The following SRPK2 variants were observed in gnomAD, a reference collection of about 807,000 sequenced individuals.
SRPK2 encodes the protein SRSF protein kinase 2.
Under a neutral mutation model 90.8 loss-of-function variants are expected in SRPK2, and 21 were observed. That is an observed-to-expected ratio of 0.23 (90% CI 0.16 to 0.33). The LOEUF (loss-of-function observed/expected upper bound fraction) is 0.33, where lower values mean the gene tolerates loss of function less well. SRPK2 is among the 10% of genes least tolerant of loss of function. The pLI is 1.00. For missense variants in SRPK2, 620 were observed against 869.0 expected (o/e 0.71, Z 3.60); for synonymous variants, 288 against 311.1 (o/e 0.93, Z 0.78).
chr7:105,232,949 G>A (rs1288885925), intron 2 of SRPK2, among the ~76,000 whole-genome samples: 1 of 151,978 alleles, frequency 6.6e-6, no homozygotes, highest in Non-Finnish European at 1.5e-5. Context: ...GAACTTGGGA[G>A]GCGGAGGTTG....
intron 2 of SRPK2, among the ~76,000 whole-genome samples, chr7:105,300,581 T>G (rs1020496953): frequency 6.6e-6 from 1 of 152,138 alleles, no homozygotes; most frequent in Admixed American, 6.5e-5. Context: ...GAGTACAACC[T>G]ACAGAATGGG....
At chr7:105,334,625 G>A (rs1357471318) in intron 2 of SRPK2, among the ~76,000 whole-genome samples, 1 of 151,970 alleles carries the variant, frequency 6.6e-6, no homozygotes, top group Non-Finnish European at 1.5e-5. Context: ...ATCACTTGAG[G>A]TCAGGAGTCC....
At chr7:105,250,934 G>A (rs1350858197) in intron 2 of SRPK2, among the ~76,000 whole-genome samples, 2 of 152,158 alleles carry the variant, frequency 1.3e-5, no homozygotes, top group Non-Finnish European at 2.9e-5. Flanking sequence ...GGAGCTAGAG[G>A]TACTGCCAAG....
At chr7:105,172,941 G>C (rs567090922) in intron 3 of SRPK2, among the ~76,000 whole-genome samples, 1 of 152,180 alleles carries the variant, frequency 6.6e-6, no homozygotes, top group African/African-American at 2.4e-5. Context: ...ATACATGTGA[G>C]CAAAAACAGA....
At chr7:105,318,815 T>C (rs1812590593) in intron 2 of SRPK2, among the ~76,000 whole-genome samples, 1 of 152,246 alleles carries the variant, frequency 6.6e-6, no homozygotes, top group Non-Finnish European at 1.5e-5. Context: ...CTCTGTCCTT[T>C]GGTCTATTCC....
At chr7:105,356,993 C>A (rs986978550) in intron 2 of SRPK2, among the ~76,000 whole-genome samples, 2 of 152,108 alleles carry the variant, frequency 1.3e-5, no homozygotes, top group Non-Finnish European at 2.9e-5. Flanking sequence ...ACTATTAAAT[C>A]TTTTCATAGT....
At chr7:105,361,067 T>C (rs1445784389) in intron 2 of SRPK2, among the ~76,000 whole-genome samples, 1 of 152,234 alleles carries the variant, frequency 6.6e-6, no homozygotes, top group Non-Finnish European at 1.5e-5. Context: ...CATGATTGTC[T>C]ATTTAGAAAA....
At chr7:105,324,754 G>A (rs773894571) in intron 2 of SRPK2, among the ~76,000 whole-genome samples, 7 of 152,270 alleles carry the variant, frequency 4.6e-5, no homozygotes, top group African/African-American at 9.6e-5. Context: ...GAATGTGGTG[G>A]TGCACGCCTG....
chr7:105,330,375 A>G (rs1814166763), intron 2 of SRPK2, among the ~76,000 whole-genome samples: 1 of 151,454 alleles, frequency 6.6e-6, no homozygotes, highest in Non-Finnish European at 1.5e-5. Flanking sequence ...TAAAATATAA[A>G]AAATAAAAAT....
At chr7:105,217,427 T>G (rs954324135) in intron 2 of SRPK2, among the ~76,000 whole-genome samples, 6 of 152,290 alleles carry the variant, frequency 3.9e-5, no homozygotes, top group African/African-American at 1.4e-4. Context: ...TATAAATTAT[T>G]CTCTCTTGCA....
At chr7:105,306,105 A>C (rs1475523653) in intron 2 of SRPK2, 2 of 165,350 alleles carry the variant, frequency 1.2e-5, no homozygotes, top group African/African-American at 4.8e-5. Context: ...ATGCTTAGAA[A>C]ACCAACAAAA....
chr7:105,301,670 G>A, intron 2 of SRPK2: 1 of 1,611,446 alleles, frequency 6.2e-7, no homozygotes. Flanking sequence ...GAGATTTCCT[G>A]GACAGAAACA....
At chr7:105,185,314 T>A (rs1006908826) in intron 3 of SRPK2, among the ~76,000 whole-genome samples, 4 of 151,746 alleles carry the variant, frequency 2.6e-5, no homozygotes, top group African/African-American at 4.8e-5. Flanking sequence ...ACTAAAAAAA[T>A]TTAACAATTA....
intron 2 of SRPK2, among the ~76,000 whole-genome samples, chr7:105,273,212 C>T (rs1392040755): frequency 6.7e-6 from 1 of 149,600 alleles, no homozygotes; most frequent in East Asian, 2.0e-4. Context: ...GAGACTCCGT[C>T]TCAAAAAAAA....
At chr7:105,249,424 G>C (rs1802182271) in intron 2 of SRPK2, among the ~76,000 whole-genome samples, 2 of 151,968 alleles carry the variant, frequency 1.3e-5, no homozygotes, top group East Asian at 3.9e-4. Context: ...TTTCTTCCCT[G>C]GCTAGGACAC....
chr7:105,317,935 G>A (rs2131496349), intron 2 of SRPK2, among the ~76,000 whole-genome samples: 1 of 152,016 alleles, frequency 6.6e-6, no homozygotes, highest in South Asian at 2.1e-4. Context: ...TTTTTTAGTA[G>A]AGATGGGGTT....
At chr7:105,332,143 A>AAC (rs1312076762) in intron 2 of SRPK2, among the ~76,000 whole-genome samples, 1 of 152,226 alleles carries the variant, frequency 6.6e-6, no homozygotes, top group African/African-American at 2.4e-5. Context: ...CACCAAGAAA[A>AAC]ACACAGCTTC....
At chr7:105,388,980 C>T (rs868744798), upstream of SRPK2, 1,299 of 834,774 alleles carry the variant, frequency 1.6e-3, 9 homozygotes, top group Middle Eastern at 0.019. Flanking sequence ...CCCCGTCCGG[C>T]CCCGCCCCCG....
chr7:105,364,810 C>T (rs1413087666), intron 2 of SRPK2, among the ~76,000 whole-genome samples: 1 of 152,118 alleles, frequency 6.6e-6, no homozygotes. Context: ...CCCTGGGGTT[C>T]TGGATGGTCA....
Sources: allele counts gnomAD v4.1 joint callset (sites outside exome capture counted in the v4.1 genomes callset), GRCh38; gene constraint gnomAD v4.1.1; transcripts MANE v1.5; gene names NCBI Gene and HGNC (gene_info 2026-07-23, HGNC 2026-07-21).